The following ESRRG variants were observed in gnomAD, a reference collection of about 807,000 sequenced individuals.
The protein encoded by ESRRG is estrogen-related receptor gamma.
A neutral mutation model predicts 44.0 loss-of-function variants in ESRRG; 13 were observed. The observed-to-expected ratio is 0.30, with a 90% CI of 0.19 to 0.47. The LOEUF (loss-of-function observed/expected upper bound fraction) is 0.47. Among genes scored for constraint, ESRRG ranks in the 20% least tolerant of loss-of-function variants. ESRRG has a pLI of 1.00. For missense variants in ESRRG, 395 were observed against 580.6 expected (o/e 0.68, Z 3.29); for synonymous variants, 215 against 214.6 (o/e 1.00, Z -0.02).
chr1:216,880,386 C>T (rs1577594883), intron 2 of ESRRG, among the ~76,000 whole-genome samples: 1 of 124,824 alleles, frequency 8.0e-6, no homozygotes. Context: ...GGATTGATAA[C>T]ATTAATGCTA....
At chr1:216,647,235 A>G (rs1485740264) in intron 3 of ESRRG, among the ~76,000 whole-genome samples, 1 of 152,184 alleles carries the variant, frequency 6.6e-6, no homozygotes, top group African/African-American at 2.4e-5. Context: ...ATATCATATA[A>G]TAGATGGGCT....
chr1:216,730,141 A>G (rs191122085), intron 2 of ESRRG, among the ~76,000 whole-genome samples: 1 of 152,176 alleles, frequency 6.6e-6, no homozygotes, highest in East Asian at 1.9e-4. Flanking sequence ...CACCAATGTT[A>G]GTGTCACAAT....
At chr1:216,670,492 C>T (rs11572696) in intron 2 of ESRRG, among the ~76,000 whole-genome samples, 2,430 of 152,244 alleles carry the variant, frequency 0.016, 29 homozygotes, top group South Asian at 0.036. Flanking sequence ...AGAAGGTATA[C>T]GTAGCACAAA....
intron 2 of ESRRG, among the ~76,000 whole-genome samples, chr1:216,754,140 G>A (rs1395362873): frequency 6.6e-6 from 1 of 151,898 alleles, no homozygotes; most frequent in African/African-American, 2.4e-5. Flanking sequence ...TAAAAGAGAT[G>A]GAGGAAAAAC....
intron 1 of ESRRG, among the ~76,000 whole-genome samples, chr1:216,961,777 A>G (rs2069140136): frequency 6.6e-6 from 1 of 152,204 alleles, no homozygotes; most frequent in Non-Finnish European, 1.5e-5. Flanking sequence ...GATTGATACT[A>G]GTAAAACTTC....
At chr1:216,527,781 G>C (rs1212777555) in intron 5 of ESRRG, among the ~76,000 whole-genome samples, 1 of 152,044 alleles carries the variant, frequency 6.6e-6, no homozygotes, top group African/African-American at 2.4e-5. Context: ...AGCATCTAAG[G>C]GCACTTGTAA....
chr1:216,988,658 G>A (rs1017040694), intron 1 of ESRRG, among the ~76,000 whole-genome samples: 3 of 152,130 alleles, frequency 2.0e-5, no homozygotes, highest in Non-Finnish European at 4.4e-5. Flanking sequence ...ACTTGAGCTT[G>A]ATAATACCAT....
intron 1 of ESRRG, among the ~76,000 whole-genome samples, chr1:217,063,595 C>T (rs2089020257): frequency 6.6e-6 from 1 of 152,128 alleles, no homozygotes; most frequent in Non-Finnish European, 1.5e-5. Context: ...ACAGACTCCA[C>T]CTGGGTAGGA....
chr1:217,023,760 A>G (rs986859545), intron 1 of ESRRG, among the ~76,000 whole-genome samples: 6 of 152,098 alleles, frequency 3.9e-5, no homozygotes, highest in African/African-American at 7.2e-5. Flanking sequence ...CCTTGCCCCA[A>G]AAACTAAAGG....
chr1:216,819,738 CA>C (rs1477029532), intron 2 of ESRRG, among the ~76,000 whole-genome samples: 1 of 151,924 alleles, frequency 6.6e-6, no homozygotes, highest in Non-Finnish European at 1.5e-5. Context: ...ACAATTCTAC[CA>C]GTTGTGGACA....
intron 2 of ESRRG, among the ~76,000 whole-genome samples, chr1:216,881,717 G>A (rs904625366): frequency 2.0e-5 from 3 of 152,062 alleles, no homozygotes; most frequent in Non-Finnish European, 2.9e-5. Context: ...ATAATCCGAC[G>A]TTAAGGAAGC....
At chr1:216,835,509 C>G (rs2095550797) in intron 2 of ESRRG, among the ~76,000 whole-genome samples, 1 of 152,184 alleles carries the variant, frequency 6.6e-6, no homozygotes, top group South Asian at 2.1e-4. Flanking sequence ...GGTTCTCAGT[C>G]TCATCTACTT....
intron 1 of ESRRG, among the ~76,000 whole-genome samples, chr1:216,957,763 T>C (rs1435653699): frequency 6.6e-6 from 1 of 152,204 alleles, no homozygotes; most frequent in African/African-American, 2.4e-5. Flanking sequence ...GACATGCTTT[T>C]CTTTTTTGAA....
intron 1 of ESRRG, among the ~76,000 whole-genome samples, chr1:217,026,833 C>T (rs2081242750): frequency 6.6e-6 from 1 of 151,474 alleles, no homozygotes; most frequent in South Asian, 2.1e-4. Context: ...AAGGACCACC[C>T]TGCCAATCCT....
At chr1:217,069,166 T>C (rs991892276) in intron 1 of ESRRG, among the ~76,000 whole-genome samples, 11 of 152,262 alleles carry the variant, frequency 7.2e-5, no homozygotes, top group African/African-American at 2.6e-4. Flanking sequence ...AGCTAGAATA[T>C]AAAGAAGGCA....
intron 2 of ESRRG, among the ~76,000 whole-genome samples, chr1:216,666,486 G>A (rs1005987734): frequency 6.6e-6 from 1 of 152,190 alleles, no homozygotes; most frequent in Non-Finnish European, 1.5e-5. Flanking sequence ...AGGGTCTGAA[G>A]CAGCCTTATT....
At chr1:216,528,068 C>A (rs1013240243) in intron 5 of ESRRG, among the ~76,000 whole-genome samples, 9 of 152,132 alleles carry the variant, frequency 5.9e-5, no homozygotes, top group African/African-American at 2.2e-4. Context: ...TCCTCAACAG[C>A]TCATTGACTG....
intron 2 of ESRRG, among the ~76,000 whole-genome samples, chr1:216,731,709 G>A (rs1052029444): frequency 6.6e-6 from 1 of 152,140 alleles, no homozygotes; most frequent in Non-Finnish European, 1.5e-5. Context: ...TCCCATTTCC[G>A]TGGTAGATTA....
In ESRRG at chr1:216,970,486, G is replaced by A. The variant is rs552392170; in HGVS notation, c.-105-30813C>T. Among the ~76,000 whole-genome samples the A allele has an allele frequency of 9.2e-5, 14 of 152,270 alleles. 1 individual carries two copies. In the South Asian group the frequency reaches 2.9e-3, roughly 32 times the overall value. ...CTAGCTCAGATAACTTTAAAAATTA[G>A]ATGCCAATGACCTTGACAAGGTTCT... is the stretch of plus-strand genomic sequence containing the variant. On this transcript the variant is annotated intron_variant, in intron 1 of 7. Coordinates refer to the ESRRG transcript ENST00000359162.
Sources: gnomAD v4.1 joint callset for allele counts (sites outside exome capture counted in the v4.1 genomes callset) on GRCh38, gnomAD v4.1.1 for gene constraint, MANE v1.5 for transcripts, NCBI Gene and HGNC (gene_info 2026-07-23, HGNC 2026-07-21) for gene names.